Variants in MAX observed in about 807,000 individuals in gnomAD.
MAX encodes the protein protein max.
MAX carries 3 observed loss-of-function variants against 22.3 expected under a neutral mutation model. The observed-to-expected ratio is 0.13, with a 90% CI of 0.06 to 0.35. MAX has a LOEUF of 0.35. Ranked by LOEUF, MAX falls within the 10% of genes least tolerant of loss-of-function variation. The pLI is 1.00. For missense variants in MAX, 119 were observed against 209.4 expected, an observed-to-expected ratio of 0.57 and a Z score of 2.66; for synonymous variants, 72 against 77.7, an observed-to-expected ratio of 0.93 and a Z score of 0.39.
chr14:65,080,380 T>C (rs2063171314), intron 3 of MAX, among the ~76,000 whole-genome samples: 1 of 152,196 alleles, frequency 6.6e-6, no homozygotes, highest in African/African-American at 2.4e-5. Flanking sequence ...TTATTAGGGT[T>C]TATTAGGTGA....
In MAX at chr14:65,077,299, T is replaced by A. The variant is rs1187300870; in HGVS notation, c.295+614A>T. The A allele has an allele frequency of 3.8e-6, 5 of 1,333,328 alleles. No individual in the cohort carries two copies. The highest frequency in any genetic ancestry group is 5.3e-6 in the Non-Finnish European group (5 of 940,412). 82.6% of individuals were successfully genotyped at this position (1,333,328 alleles called of 1,614,324 possible). ...GGAAGGTCAACCCATTTAATTTATT[T>A]TATTTTATTTTATTTGAGGTTTTCT... On this transcript the variant is annotated intron_variant, in intron 4 of 4. Transcript: ENST00000358664. The surrounding 1 kb of genome is among the most constrained non-coding windows in gnomAD (Gnocchi z 6.3).
At chr14:65,083,892 C>A (rs1027069323) in intron 3 of MAX, 21 of 1,260,896 alleles carry the variant, frequency 1.7e-5, no homozygotes, top group Non-Finnish European at 2.1e-5. Flanking sequence ...GTGAATAAGC[C>A]ATCTTTTGAA....
chr14:65,071,653 AG>A (rs1378089116), downstream of MAX, among the ~76,000 whole-genome samples: 1 of 152,252 alleles, frequency 6.6e-6, no homozygotes, highest in African/African-American at 2.4e-5. The surrounding 1 kb of genome is among the most constrained non-coding windows in gnomAD (Gnocchi z 4.2). Context: ...GTCACCCCAA[AG>A]GTAAGGGTTG....
At chr14:65,065,978 G>T (rs73270874) in intron 3 of MAX, among the ~76,000 whole-genome samples, 6,835 of 152,258 alleles carry the variant, frequency 0.045, 501 homozygotes, top group African/African-American at 0.16. Flanking sequence ...GCCCGAGCCC[G>T]TATCTGCTGC....
At chr14:65,016,596 C>G (rs1349223832) in intron 3 of MAX, 3 of 152,284 alleles carry the variant, frequency 2.0e-5, no homozygotes, top group African/African-American at 7.2e-5. Flanking sequence ...GGGCCCCTCT[C>G]TGGTCACAGA....
intron 3 of MAX, among the ~76,000 whole-genome samples, chr14:65,064,473 C>G (rs950709595): frequency 8.5e-5 from 13 of 152,186 alleles, no homozygotes; most frequent in Admixed American, 7.9e-4. Context: ...CAATCTCAGG[C>G]TCTCCATGGG....
intron 3 of MAX, chr14:65,006,324 T>C (rs1391055324): frequency 6.2e-7 from 1 of 1,610,728 alleles, no homozygotes; most frequent in East Asian, 2.2e-5. Context: ...CTTACTAGTA[T>C]AGTCTTTCCC....
rs775624577 is a variant in MAX at position 65,062,890 on chromosome 14, A to T, written c.171+30818T>A. Among the ~76,000 whole-genome samples, 6 of 152,308 alleles carry T rather than the reference A, an allele frequency of 3.9e-5. No homozygotes were observed. Among genetic ancestry groups the T allele is most frequent in the Non-Finnish European group, 8.8e-5 (6 of 68,020 alleles). The stretch of plus-strand genomic sequence containing the variant: ...GCTCCCTGGGGTAATTCGGTATGCT[A>T]TGTCCCAGCCCTCCACACACTGCAC... On this transcript the variant is annotated intron_variant, in intron 3 of 3. Coordinates refer to the MAX transcript ENST00000341653. This position sits in a 1 kb window ranked among gnomAD's most constrained non-coding sequence, Gnocchi z 4.3.
In MAX at chr14:65,007,543, A is replaced by C. The variant is rs949279585; in HGVS notation, c.172-1259T>G. Among the ~76,000 whole-genome samples, 8 of 152,258 alleles carry C rather than the reference A, an allele frequency of 5.3e-5. No homozygotes were observed. The highest frequency in any genetic ancestry group is 1.9e-4 in the African/African-American group (8 of 41,472). On this transcript the variant is annotated intron_variant, in intron 3 of 3. Coordinates refer to the MAX transcript ENST00000341653. The surrounding 1 kb of genome is among the most constrained non-coding windows in gnomAD (Gnocchi z 4.9). ...GGCTGAAAGTCAAGCCTGGAGCTGA[A>C]TGTCAGTACATTCTATACTTAATCC...
At chr14:65,099,083 A>G (rs888176269) in intron 2 of MAX, among the ~76,000 whole-genome samples, 7 of 152,128 alleles carry the variant, frequency 4.6e-5, no homozygotes, top group Admixed American at 1.3e-4. Flanking sequence ...TCCCTCTTAA[A>G]TTTTAAAAAA....
In MAX at chr14:65,076,636, C is replaced by T. The variant is rs2063065719; in HGVS notation, c.323G>A (p.Ser108Asn). 1 of 1,614,210 alleles carries T rather than the reference C, an allele frequency of 6.2e-7. No individual in the cohort carries two copies. The change falls in exon 5 of 5, where the codon AGT (serine) becomes AAT (asparagine). Residue 108 changes from serine (S) to asparagine (N), a missense_variant. Ser to Asn is a conservative substitution (Grantham distance 46, BLOSUM62 1). This residue lies in a region of MAX where 95 missense variants were observed against 148.1 expected (regional missense o/e 0.64). Coordinates refer to ENST00000358664, the MANE Select transcript of MAX (RefSeq NM_002382.5). This position sits in a 1 kb window ranked among gnomAD's most constrained non-coding sequence, Gnocchi z 6.6. ...QVRALEKARS[S>N]AQLQTNYPSS... ...GGGGTAGTTGGTCTGCAGTTGGGCA[C>T]TTGACCTCGCCTTCTCCAGTGCACG...
intron 3 of MAX, chr14:65,006,293 G>A (rs763949994): frequency 1.1e-5 from 18 of 1,612,344 alleles, no homozygotes; most frequent in Non-Finnish European, 1.4e-5. Flanking sequence ...CCCTGGGGAA[G>A]GAAAGGAGGA....
chr14:65,093,644 C>T lies in MAX; in HGVS notation c.171+64G>A, dbSNP rs560622461. 1.3e-4 allele frequency: 112 copies of T among 878,524 alleles called. No homozygotes were observed. In the Middle Eastern group the frequency reaches 2.8e-3, roughly 22 times the overall value. 54.4% of individuals were successfully genotyped at this position (878,524 alleles called of 1,614,324 possible). A position where few individuals can be genotyped will look rare whatever the true frequency, so the allele number is the denominator to read the frequency against. The stretch of plus-strand genomic sequence containing the variant: ...TCCTTCCCAATAGGTGAGTGCTCTG[C>T]TAAGCTCTGCAACAAGTTCCAAGCT... On this transcript the variant is annotated intron_variant, in intron 3 of 4. Transcript: ENST00000358664. This position sits in a 1 kb window ranked among gnomAD's most constrained non-coding sequence, Gnocchi z 4.4.
At chr14:65,083,166 A>T (rs2139790521) in intron 3 of MAX, among the ~76,000 whole-genome samples, 1 of 152,322 alleles carries the variant, frequency 6.6e-6, no homozygotes, top group South Asian at 2.1e-4. Flanking sequence ...AAGCAGACAG[A>T]GGGAAGGCCA....
At chr14:65,006,539 C>T (rs567673629) in intron 3 of MAX, among the ~76,000 whole-genome samples, 1 of 152,308 alleles carries the variant, frequency 6.6e-6, no homozygotes, top group South Asian at 2.1e-4. Context: ...TTAGCCTCCC[C>T]AGAGGGGACA....
rs1595005376 is a variant in MAX, at chr14:65,007,568, C to T, written c.172-1284G>A. ...ATGTCAGTACATTCTATACTTAATC[C>T]CCTTCCCAGAAATGATTTTCTTCTC... On this transcript the variant is annotated intron_variant, in intron 3 of 3. Coordinates refer to the MAX transcript ENST00000341653. This position sits in a 1 kb window ranked among gnomAD's most constrained non-coding sequence, Gnocchi z 4.9. 6.6e-6 allele frequency among the ~76,000 whole-genome samples: 1 copy of T among 152,174 alleles called. No homozygotes were observed. The highest frequency in any genetic ancestry group is 1.9e-4 in the East Asian group (1 of 5,194).
Position 65,099,757 on chromosome 14 carries a change from G to T in MAX, c.63+1789C>A, listed in dbSNP as rs1463708070. Among the ~76,000 whole-genome samples the T allele has an allele frequency of 2.0e-5, 3 of 152,046 alleles. No individual in the cohort carries two copies. The East Asian group carries it at 5.8e-4, about 29-fold the overall frequency. On this transcript the variant is annotated intron_variant, in intron 2 of 4. Transcript: ENST00000358664. ...AAACATGAAGGATAAAAGTAAATGT[G>T]AAAAAGGAATTCAATTTTCAAATAT...
Position 65,027,814 on chromosome 14 carries a change from G to A in MAX, c.172-21530C>T. ...GGGTTTTGCACAGGCTGCCACATCA[G>A]TTGACTCTAGAGCTCATCTGCCATT... On this transcript the variant is annotated intron_variant, in intron 3 of 3. Transcript: ENST00000341653. The surrounding 1 kb of genome is among the most constrained non-coding windows in gnomAD (Gnocchi z 5.7). The A allele has an allele frequency of 6.2e-7, 1 of 1,613,606 alleles. No individual in the cohort carries two copies. The highest frequency in any genetic ancestry group is 8.5e-7 in the Non-Finnish European group (1 of 1,179,794).
chr14:65,100,687 C>G (rs925026218), intron 2 of MAX, among the ~76,000 whole-genome samples: 5 of 152,196 alleles, frequency 3.3e-5, no homozygotes, highest in Non-Finnish European at 5.9e-5. Context: ...ATTAGACACT[C>G]TGATATACTT....
Sources: gnomAD v4.1 joint callset for allele counts (sites outside exome capture counted in the v4.1 genomes callset) on GRCh38, gnomAD v4.1.1 for gene constraint, gnomAD v4.1.1 regional missense constraint, Gnocchi (gnomAD v3.1) non-coding constraint, MANE v1.5 for transcripts, NCBI Gene and HGNC (gene_info 2026-07-23, HGNC 2026-07-21) for gene names.